Variants in NME1 observed in about 807,000 individuals in gnomAD.
NME1 encodes nucleoside diphosphate kinase A.
NME1 carries 9 observed loss-of-function variants against 17.2 expected under a neutral mutation model. That is an observed-to-expected ratio of 0.52 (90% CI 0.32 to 0.92). The LOEUF is 0.92. NME1 is among the 40% of genes least tolerant of loss of function. The pLI is 0.04. For missense variants in NME1, 169 were observed against 201.7 expected (o/e 0.84, Z 0.98); for synonymous variants, 72 against 70.8 (o/e 1.02, Z -0.09).
chr17:51,161,015 G>T, intron 3 of NME1, 145 bp from the exon 4 acceptor site: 1 of 848,238 alleles, frequency 1.2e-6, no homozygotes. Context: ...GCTGGAATAA[G>T]TGGATATACT....
intron 2 of NME1, among the ~76,000 whole-genome samples, chr17:51,158,540 A>G (rs1302602023): frequency 6.6e-6 from 1 of 152,242 alleles, no homozygotes; most frequent in East Asian, 1.9e-4. Flanking sequence ...TTAGACTTCC[A>G]CAACAAAAGT....
intron 2 of NME1, among the ~76,000 whole-genome samples, chr17:51,159,343 G>A (rs1023080391): frequency 6.6e-5 from 10 of 152,322 alleles, no homozygotes; most frequent in East Asian, 3.9e-4. Flanking sequence ...GCTTACGCCC[G>A]TAGTCCCGGC....
At chr17:51,154,317 A>T in intron 1 of NME1, 1 of 1,523,696 alleles carries the variant, frequency 6.6e-7, no homozygotes. Flanking sequence ...ATTGGACTAC[A>T]GTGCTAAGAT....
chr17:51,157,104 G>C (rs541021449), intron 2 of NME1, among the ~76,000 whole-genome samples: 11 of 151,690 alleles, frequency 7.3e-5, no homozygotes, highest in South Asian at 6.2e-4. Context: ...TTAAAATTTA[G>C]TTTGACTTGC....
chr17:51,161,394 G>C, intron 4 of NME1, 122 bp downstream of exon 4: 1 of 1,003,926 alleles, frequency 1.0e-6, no homozygotes, highest in Non-Finnish European at 1.5e-6. Flanking sequence ...GGAGTTTATT[G>C]TTTTCCTCCC....
In NME1 at chr17:51,153,607, G is replaced by A. The variant is rs564330069; in HGVS notation, c.-60G>A. The A allele has an allele frequency of 6.5e-6, 1 of 152,730 alleles. No individual in the cohort carries two copies. Among genetic ancestry groups the A allele is most frequent in the Non-Finnish European group, 1.5e-5 (1 of 68,400 alleles). 9.5% of individuals were successfully genotyped at this position (152,730 alleles called of 1,614,324 possible). A position where few individuals can be genotyped will look rare whatever the true frequency, so the allele number is the denominator to read the frequency against. ...GTGCTGCGAACCACGTGGGTCCCGG[G>A]CGCGTTTCGGGTGCTGGCGGCTGCA... On this transcript the variant is annotated 5_prime_UTR_variant, in exon 1 of 5. Transcript: ENST00000393196.
At position 51,160,073 on chromosome 17, in the gene NME1, G is replaced by T. The variant is rs747776903; in HGVS notation, c.220G>T (p.Val74Phe). The change falls in exon 3 of 5, where the codon GTT (valine) becomes TTT (phenylalanine). Residue 74 changes from valine (V) to phenylalanine (F), a missense_variant. Coordinates refer to ENST00000393196, the MANE Select transcript of NME1 (RefSeq NM_000269.3). ...GAAATACATGCACTCAGGGCCGGTA[G>T]TTGCCATGGTGAGTGTGCCTGTGTG... ...LVKYMHSGPV[V>F]AMVWEGLNVV... The T allele has an allele frequency of 6.2e-7, 1 of 1,614,160 alleles. No individual in the cohort carries two copies. Among genetic ancestry groups the T allele is most frequent in the South Asian group, 1.1e-5 (1 of 91,086 alleles).
chr17:51,161,912 T>C lies in NME1; in HGVS notation c.*67T>C. The C allele has an allele frequency of 9.7e-7, 1 of 1,028,078 alleles. No homozygotes were observed. 63.7% of individuals were successfully genotyped at this position (1,028,078 alleles called of 1,614,324 possible). A position where few individuals can be genotyped will look rare whatever the true frequency, so the allele number is the denominator to read the frequency against. ...CCTTCCCATGGGCAGAGGACCAGGC[T>C]GTAGGAAATCTAGTTATTTACAGGA... On this transcript the variant is annotated 3_prime_UTR_variant, in exon 5 of 5. Transcript: ENST00000393196.
chr17:51,161,532 G>T (rs942855627), intron 4 of NME1, 196 bp from the exon 5 acceptor site: 15 of 671,060 alleles, frequency 2.2e-5, no homozygotes, highest in Non-Finnish European at 3.7e-5. Flanking sequence ...GTTTGCACCA[G>T]CGTGGCCGGG....
intron 2 of NME1, among the ~76,000 whole-genome samples, chr17:51,158,990 G>A (rs1026500480): frequency 1.3e-5 from 2 of 152,192 alleles, no homozygotes; most frequent in South Asian, 4.1e-4. Context: ...GGTCATCACT[G>A]CTGGGCTTTT....
intron 3 of NME1, 89 bp downstream of exon 3, chr17:51,160,170 A>G: frequency 7.3e-7 from 1 of 1,371,104 alleles, no homozygotes; most frequent in Non-Finnish European, 1.0e-6. Context: ...ACAGCCATGA[A>G]TGAGACCAAA....
At chr17:51,154,255 C>A in intron 1 of NME1, 3 of 880,684 alleles carry the variant, frequency 3.4e-6, no homozygotes, top group Non-Finnish European at 5.8e-6. Flanking sequence ...AGAGTCTCTA[C>A]ACAGGACTAA....
intron 3 of NME1, 200 bp from the exon 4 acceptor site, chr17:51,160,960 T>C: frequency 4.2e-6 from 3 of 709,852 alleles, no homozygotes; most frequent in South Asian, 3.1e-5. Flanking sequence ...GGAGAATACA[T>C]TGTAGAAAGG....
chr17:51,161,456 G>A, intron 4 of NME1, 184 bp downstream of exon 4: 1 of 698,338 alleles, frequency 1.4e-6, no homozygotes, highest in Non-Finnish European at 2.5e-6. Flanking sequence ...TCGTACCTCT[G>A]TTACACGAAG....
chr17:51,154,185 A>C, intron 1 of NME1: 1 of 548,552 alleles, frequency 1.8e-6, no homozygotes, highest in Non-Finnish European at 3.3e-6. Flanking sequence ...AAGTTGCAGA[A>C]TGGTGATAAA....
chr17:51,158,167 C>T (rs2049813949), intron 2 of NME1, among the ~76,000 whole-genome samples: 1 of 152,208 alleles, frequency 6.6e-6, no homozygotes, highest in Non-Finnish European at 1.5e-5. Flanking sequence ...GTAGTCCCAG[C>T]TACCAGGGAG....
Position 51,162,047 on chromosome 17 carries a change from G to A in NME1, c.*202G>A. On this transcript the variant is annotated 3_prime_UTR_variant, in exon 5 of 5. Coordinates refer to ENST00000393196, the MANE Select transcript of NME1 (RefSeq NM_000269.3). ...GCTTCCTCCCAGCATAGGATTCATT[G>A]AGTTGGTTACTTCATATTGTTGCAT... 1 of 559,168 alleles carries A rather than the reference G, an allele frequency of 1.8e-6. No individual in the cohort carries two copies. The highest frequency in any genetic ancestry group is 3.2e-6 in the Non-Finnish European group (1 of 311,146). 34.6% of individuals were successfully genotyped at this position (559,168 alleles called of 1,614,324 possible).
At position 51,159,984 on chromosome 17, in the gene NME1, C is replaced by T. The variant is rs1380078411; in HGVS notation, c.131C>T (p.Ser44Phe). ...ATTCTCTGTCCTGTTGAATAGGCTT[C>T]CGAAGATCTTCTCAAGGAACACTAC... ...RLVGLKFMQA[S>F]EDLLKEHYVD... Residue 44 changes from serine to phenylalanine, a missense_variant, in exon 3 of 5, where the codon TCC becomes TTC. By Grantham distance (155) the Ser-to-Phe change is radical. Transcript: ENST00000393196. 1 of 1,614,130 alleles carries T rather than the reference C, an allele frequency of 6.2e-7. No homozygotes were observed.
intron 4 of NME1, 193 bp downstream of exon 4, chr17:51,161,465 A>T (rs1414749033): frequency 2.2e-5 from 15 of 691,024 alleles, no homozygotes; most frequent in Non-Finnish European, 2.8e-5. Flanking sequence ...TGTTACACGA[A>T]GTGTAGAACC....
Sources: gnomAD v4.1 joint callset for allele counts (sites outside exome capture counted in the v4.1 genomes callset) on GRCh38, gnomAD v4.1.1 for gene constraint, MANE v1.5 for transcripts, NCBI Gene and HGNC (gene_info 2026-07-23, HGNC 2026-07-21) for gene names.